Variants in CDHR3 observed in about 807,000 individuals in gnomAD.
The protein encoded by CDHR3 is cadherin-related family member 3.
CDHR3 carries 79 observed loss-of-function variants against 86.6 expected under a neutral mutation model. That is an observed-to-expected ratio of 0.91 (90% CI 0.76 to 1.10). The LOEUF (loss-of-function observed/expected upper bound fraction) is 1.10, where lower values mean the gene tolerates loss of function less well. CDHR3 is among the 50% of genes least tolerant of loss of function. The pLI is 0.00. For synonymous variants in CDHR3, 421 were observed against 402.4 expected, an observed-to-expected ratio of 1.05 and a Z score of -0.55; for missense variants, 1,081 against 1,077.6, an observed-to-expected ratio of 1.00 and a Z score of -0.04.
At chr7:105,989,223 C>CCACCT in intron 4 of CDHR3, among the ~76,000 whole-genome samples, 1 of 150,406 alleles carries the variant, frequency 6.6e-6, no homozygotes, top group Non-Finnish European at 1.5e-5. Flanking sequence ...CCCACCCCCC[C>CCACCT]ACCTCTTCTC....
chr7:105,975,857 G>C (rs539113096), intron 2 of CDHR3, among the ~76,000 whole-genome samples: 12 of 152,146 alleles, frequency 7.9e-5, no homozygotes, highest in Non-Finnish European at 1.8e-4. Context: ...TCTGGGTCCT[G>C]AGTCAGGGTT....
intron 18 of CDHR3, among the ~76,000 whole-genome samples, chr7:106,031,220 A>C (rs1171196100): frequency 2.6e-5 from 4 of 151,702 alleles, no homozygotes; most frequent in Non-Finnish European, 5.9e-5. Context: ...GCCCATCCAC[A>C]TTCTTCCTGG....
At chr7:105,981,858 C>T (rs1415954184) in intron 3 of CDHR3, among the ~76,000 whole-genome samples, 1 of 152,090 alleles carries the variant, frequency 6.6e-6, no homozygotes, top group Non-Finnish European at 1.5e-5. Context: ...GTTGCTTGGA[C>T]CAAGCCTTGA....
In CDHR3 at chr7:106,022,372, T is replaced by G. The variant is rs762663808; in HGVS notation, c.2000T>G (p.Leu667Arg). ...TCTGACAGGAAGAAAGCGGAGGCTC[T>G]TGTTGAGACAGGAACAGTGACACTG... The part of the protein sequence containing the change: ...LMSDRKKAEA[L>R]VETGTVTLSI... Residue 667 changes from leucine to arginine, a missense_variant, in exon 14 of 19, where the codon CTT becomes CGT. Transcript: ENST00000317716. 1.2e-6 allele frequency: 2 copies of G among 1,614,038 alleles called. No individual in the cohort carries two copies. Among genetic ancestry groups the G allele is most frequent in the Admixed American group, 3.3e-5 (2 of 60,024 alleles).
intron 11 of CDHR3, 71 bp downstream of exon 11, chr7:106,016,096 G>A (rs1835589189): frequency 9.9e-6 from 10 of 1,013,890 alleles, no homozygotes; most frequent in Middle Eastern, 6.0e-4. Context: ...TCTGTGGAGT[G>A]GAAAACTCCC....
chr7:106,016,459 A>C (rs986460089), intron 11 of CDHR3, among the ~76,000 whole-genome samples: 1 of 152,090 alleles, frequency 6.6e-6, no homozygotes, highest in Non-Finnish European at 1.5e-5. Flanking sequence ...TCCCCTACTA[A>C]GATTCCCTGA....
chr7:105,965,911 A>G (rs1199383187), intron 1 of CDHR3, among the ~76,000 whole-genome samples: 1 of 152,078 alleles, frequency 6.6e-6, no homozygotes, highest in East Asian at 1.9e-4. Flanking sequence ...TTTTTTCCCC[A>G]CATTTACTGA....
At chr7:106,006,283 T>C (rs1267665219) in intron 8 of CDHR3, among the ~76,000 whole-genome samples, 1 of 152,140 alleles carries the variant, frequency 6.6e-6, no homozygotes, top group Non-Finnish European at 1.5e-5. Context: ...AACCATATCA[T>C]CCTGCCCCAG....
intron 4 of CDHR3, among the ~76,000 whole-genome samples, chr7:105,986,444 A>G (rs1382356930): frequency 2.6e-5 from 4 of 152,212 alleles, no homozygotes; most frequent in African/African-American, 9.7e-5. Context: ...GGGAGAAGGA[A>G]CAGCTTTTCC....
At chr7:106,028,948 C>CTTTCTTTT (rs1484020924) in intron 17 of CDHR3, among the ~76,000 whole-genome samples, 19 of 144,796 alleles carry the variant, frequency 1.3e-4, no homozygotes, top group East Asian at 2.0e-4. Context: ...TTCTTTCTTT[C>CTTTCTTTT]TTTCTTTCTT....
intron 1 of CDHR3, among the ~76,000 whole-genome samples, chr7:105,969,802 C>T (rs1827657432): frequency 2.6e-5 from 4 of 152,122 alleles, no homozygotes; most frequent in Admixed American, 6.5e-5. Flanking sequence ...ATGCTGTATC[C>T]GTTTTCTGTA....
intron 2 of CDHR3, 100 bp downstream of exon 2, chr7:105,975,146 G>GTTTAATCTT: frequency 2.9e-6 from 3 of 1,032,662 alleles, no homozygotes; most frequent in Non-Finnish European, 4.5e-6. Context: ...CCTCCATCTG[G>GTTTAATCTT]TTTAATCTTC....
rs139401929 is a variant in CDHR3, at chr7:106,016,783, G to GCAAAATT, written c.1426+761_1426+762insAATTCAA. Among the ~76,000 whole-genome samples the GCAAAATT allele has an allele frequency of 2.4e-3, 372 of 152,310 alleles. 9 individuals carry two copies. The East Asian group carries it at 0.068, about 28-fold the overall frequency. ...TAAGTTTTCAAGCAAAATGCAAAAT[G>GCAAAATT]CAAGTCCAAAGAAAATGCTTTTAAT... On this transcript the variant is annotated intron_variant, in intron 11 of 18. Coordinates refer to ENST00000317716, the MANE Select transcript of CDHR3 (RefSeq NM_152750.5).
At chr7:105,968,199 G>A (rs1489422997) in intron 1 of CDHR3, among the ~76,000 whole-genome samples, 1 of 151,942 alleles carries the variant, frequency 6.6e-6, no homozygotes, top group Non-Finnish European at 1.5e-5. Flanking sequence ...ATTGTTCCTT[G>A]TTCCTCCCAA....
At chr7:105,980,025 GCAT>G (rs1207964984) in intron 2 of CDHR3, among the ~76,000 whole-genome samples, 2 of 152,086 alleles carry the variant, frequency 1.3e-5, no homozygotes, top group African/African-American at 4.8e-5. Flanking sequence ...CCTGTTCCTC[GCAT>G]CCCTCCCACA....
intron 3 of CDHR3, among the ~76,000 whole-genome samples, chr7:105,983,360 A>G (rs1272141586): frequency 6.6e-6 from 1 of 152,240 alleles, no homozygotes; most frequent in Non-Finnish European, 1.5e-5. Flanking sequence ...TTTACTAGCT[A>G]GGACAACTTC....
chr7:106,006,811 C>G (rs1007314279), intron 8 of CDHR3, among the ~76,000 whole-genome samples: 1 of 152,200 alleles, frequency 6.6e-6, no homozygotes, highest in Non-Finnish European at 1.5e-5. Context: ...GTCTGGAGGA[C>G]AGTGGCCCTC....
Position 106,030,861 on chromosome 7 carries a change from C to T in CDHR3, c.2353+21C>T. ...TCCAGGTAATTAAGTGGCAATACCA[C>T]TGTAAGAATGCTTTTTATATTCCAG... On this transcript the variant is annotated intron_variant, in intron 18 of 18. Coordinates refer to ENST00000317716, the MANE Select transcript of CDHR3 (RefSeq NM_152750.5). The surrounding 1 kb of genome is among the most constrained non-coding windows in gnomAD (Gnocchi z 4.8). The T allele has an allele frequency of 6.2e-7, 1 of 1,600,054 alleles. No homozygotes were observed. Among genetic ancestry groups the T allele is most frequent in the South Asian group, 1.1e-5 (1 of 89,048 alleles).
intron 4 of CDHR3, among the ~76,000 whole-genome samples, chr7:105,989,891 A>T (rs1219098613): frequency 6.6e-6 from 1 of 152,104 alleles, no homozygotes; most frequent in Non-Finnish European, 1.5e-5. Flanking sequence ...CACCTGCCCC[A>T]GTCATTCAGC....
Sources: allele counts gnomAD v4.1 joint callset (sites outside exome capture counted in the v4.1 genomes callset), GRCh38; gene constraint gnomAD v4.1.1; non-coding constraint Gnocchi (gnomAD v3.1); transcripts MANE v1.5; gene names NCBI Gene and HGNC (gene_info 2026-07-23, HGNC 2026-07-21).